The following RBFOX1 variants were observed in gnomAD, a reference collection of about 807,000 sequenced individuals.
The protein encoded by RBFOX1 is RNA binding protein fox-1 homolog 1.
In RBFOX1, 8 loss-of-function variants were observed where a neutral mutation model predicts 57.7. That is an observed-to-expected ratio of 0.14 (90% CI 0.08 to 0.25). The LOEUF (loss-of-function observed/expected upper bound fraction) is 0.25, where lower values mean the gene tolerates loss of function less well. Among genes scored for constraint, RBFOX1 ranks in the 10% least tolerant of loss-of-function variants. The pLI is 1.00. For missense variants in RBFOX1, 611 were observed against 548.5 expected, an observed-to-expected ratio of 1.11 and a Z score of -1.14; for synonymous variants, 326 against 222.4, an observed-to-expected ratio of 1.47 and a Z score of -4.15.
At chr16:7,390,906 G>A (rs907336098) in intron 4 of RBFOX1, among the ~76,000 whole-genome samples, 1 of 151,976 alleles carries the variant, frequency 6.6e-6, no homozygotes, top group Admixed American at 6.6e-5. Context: ...TACAATTATG[G>A]AATAAAAAAA....
At chr16:6,515,681 T>C (rs939752497) in intron 2 of RBFOX1, among the ~76,000 whole-genome samples, 1 of 152,184 alleles carries the variant, frequency 6.6e-6, no homozygotes, top group Non-Finnish European at 1.5e-5. Flanking sequence ...CCTTCTCTTA[T>C]TCCATTTCTC....
chr16:6,136,094 C>A (rs545448798), intron 1 of RBFOX1, among the ~76,000 whole-genome samples: 2 of 152,202 alleles, frequency 1.3e-5, no homozygotes, highest in Admixed American at 6.5e-5. Context: ...TGTGCCTGGC[C>A]TGTTTTGACC....
chr16:6,536,049 G>T (rs576581354), intron 2 of RBFOX1, among the ~76,000 whole-genome samples: 7 of 152,190 alleles, frequency 4.6e-5, no homozygotes, highest in African/African-American at 1.7e-4. Context: ...TCATGCCTTT[G>T]GGAATGGACA....
chr16:5,773,559 G>C (rs78703506), intron 3 of RBFOX1, among the ~76,000 whole-genome samples: 2,214 of 152,246 alleles, frequency 0.015, 67 homozygotes, highest in African/African-American at 0.05. Context: ...CATTTAGGAT[G>C]TTTTCAGTTT....
chr16:7,004,231 C>T (rs1231369652), intron 3 of RBFOX1: 1 of 151,986 alleles, frequency 6.6e-6, no homozygotes, highest in Non-Finnish European at 1.5e-5. Context: ...TCTTTTGAAT[C>T]TTATGCATAG....
chr16:6,981,443 G>C (rs1012491619), intron 3 of RBFOX1, among the ~76,000 whole-genome samples: 3 of 152,152 alleles, frequency 2.0e-5, no homozygotes, highest in African/African-American at 7.2e-5. Context: ...ACTTTTGGAT[G>C]CATAGTATTC....
chr16:7,115,556 C>A (rs1170956619), intron 4 of RBFOX1, among the ~76,000 whole-genome samples: 1 of 152,176 alleles, frequency 6.6e-6, no homozygotes, highest in Non-Finnish European at 1.5e-5. Flanking sequence ...TCACTGAGCT[C>A]TCTCACCTGG....
chr16:5,643,886 A>T (rs534846617), intron 3 of RBFOX1, among the ~76,000 whole-genome samples: 1 of 152,360 alleles, frequency 6.6e-6, no homozygotes, highest in East Asian at 1.9e-4. Context: ...ATGAATAAAA[A>T]TTAACTTAAA....
rs188051632 is a variant in RBFOX1 at position 5,683,059 on chromosome 16, A to G, written c.318+84098A>G. Among the ~76,000 whole-genome samples, 16 of 150,430 alleles carry G rather than the reference A, an allele frequency of 1.1e-4. No individual in the cohort carries two copies. The East Asian group carries it at 1.2e-3, about 11-fold the overall frequency. ...GTGTCCACCTTTTAGGGTTATAGTAAGGATTTACTGAGATAAAGACTGGAC... is the reference window on the plus strand; with the variant it reads ...GTGTCCACCTTTTAGGGTTATAGTAGGGATTTACTGAGATAAAGACTGGAC... On this transcript the variant is annotated intron_variant, in intron 3 of 19. Coordinates refer to the RBFOX1 transcript ENST00000641259.
intron 1 of RBFOX1, among the ~76,000 whole-genome samples, chr16:5,393,202 G>C (rs1596819032): frequency 1.3e-5 from 2 of 152,198 alleles, no homozygotes; most frequent in Admixed American, 1.3e-4. Flanking sequence ...TCACGGCTGG[G>C]CTGTGGCTGT....
At chr16:7,362,419 T>C (rs1432580777) in intron 4 of RBFOX1, among the ~76,000 whole-genome samples, 3 of 151,814 alleles carry the variant, frequency 2.0e-5, no homozygotes, top group African/African-American at 7.3e-5. Flanking sequence ...GTTTTGTGTG[T>C]ATGCGTTAGT....
chr16:7,100,757 A>T (rs368497919), intron 4 of RBFOX1, among the ~76,000 whole-genome samples: 2 of 152,138 alleles, frequency 1.3e-5, no homozygotes, highest in East Asian at 1.9e-4. Context: ...AAAAGATCCA[A>T]TGGCCGTAAA....
chr16:7,589,425 T>G (rs1221906629), intron 7 of RBFOX1, among the ~76,000 whole-genome samples: 1 of 152,192 alleles, frequency 6.6e-6, no homozygotes, highest in Non-Finnish European at 1.5e-5. Flanking sequence ...ATGATTAGCC[T>G]GTCTCTGGGG....
rs551314273 is a variant in RBFOX1 at position 6,812,264 on chromosome 16, A to G, written c.-16+157614A>G. 4.6e-5 allele frequency among the ~76,000 whole-genome samples: 7 copies of G among 152,352 alleles called. No individual in the cohort carries two copies. In the South Asian group the frequency reaches 1.2e-3, roughly 27 times the overall value. On this transcript the variant is annotated intron_variant, in intron 3 of 15. Coordinates refer to ENST00000550418, the MANE Select transcript of RBFOX1 (RefSeq NM_018723.4). The stretch of plus-strand genomic sequence containing the variant: ...TGTTTTGTTAAGAAATTTGTTCAAA[A>G]TGAAAGTATCTCCCTTTAGACCAAG...
intron 3 of RBFOX1, among the ~76,000 whole-genome samples, chr16:6,994,967 G>T (rs913727920): frequency 5.3e-5 from 8 of 151,826 alleles, no homozygotes; most frequent in Admixed American, 1.3e-4. Flanking sequence ...GTGTGTGTGT[G>T]TGTGTGTTGG....
chr16:5,354,310 A>T (rs1446184860), intron 1 of RBFOX1, among the ~76,000 whole-genome samples: 4 of 151,600 alleles, frequency 2.6e-5, no homozygotes, highest in Non-Finnish European at 5.9e-5. Context: ...TTCTCTATTC[A>T]CTGTCTTTCA....
At chr16:6,919,616 A>T (rs527890281) in intron 3 of RBFOX1, among the ~76,000 whole-genome samples, 1 of 152,158 alleles carries the variant, frequency 6.6e-6, no homozygotes, top group Non-Finnish European at 1.5e-5. Flanking sequence ...TCTTCGAACA[A>T]GTATCTGGAA....
chr16:5,930,864 G>A (rs1161408188), intron 4 of RBFOX1, among the ~76,000 whole-genome samples: 1 of 145,900 alleles, frequency 6.9e-6, no homozygotes, highest in Non-Finnish European at 1.5e-5. Context: ...ATGCATGGAT[G>A]GATGTATGGC....
At chr16:7,003,031 C>CTTTTTTTTTTTTTTTTTTTTTTTTTTT (rs2092969995) in intron 3 of RBFOX1, among the ~76,000 whole-genome samples, 1 of 133,652 alleles carries the variant, frequency 7.5e-6, no homozygotes. Flanking sequence ...TTTTCTTCTT[C>CTTTTTTTTTTTTTTTTTTTTTTTTTTT]TTTTTTCTCT....
Sources: allele counts gnomAD v4.1 joint callset (sites outside exome capture counted in the v4.1 genomes callset), GRCh38; gene constraint gnomAD v4.1.1; transcripts MANE v1.5; gene names NCBI Gene and HGNC (gene_info 2026-07-23, HGNC 2026-07-21).